Variants in GRIK2 observed in about 807,000 individuals in gnomAD.
GRIK2 encodes the protein glutamate ionotropic receptor kainate type subunit 2, also known as glutamate receptor ionotropic, kainate 2.
In GRIK2, 32 loss-of-function variants were observed where a neutral mutation model predicts 100.3. The observed-to-expected ratio is 0.32, with a 90% CI of 0.24 to 0.43. GRIK2 has a LOEUF of 0.43. Among genes scored for constraint, GRIK2 ranks in the 20% least tolerant of loss-of-function variants. The probability of loss-of-function intolerance (pLI) is 1.00; values close to 1 mark genes in which losing one functional copy is unlikely to be tolerated. For synonymous variants in GRIK2, 417 were observed against 389.4 expected, an observed-to-expected ratio of 1.07 and a Z score of -0.83; for missense variants, 843 against 1,114.9, an observed-to-expected ratio of 0.76 and a Z score of 3.47.
At chr6:101,741,368 A>G (rs1776019249) in intron 7 of GRIK2, among the ~76,000 whole-genome samples, 1 of 152,206 alleles carries the variant, frequency 6.6e-6, no homozygotes, top group Non-Finnish European at 1.5e-5. Context: ...TTAGGAAGAA[A>G]CTTTTCCTCT....
intron 4 of GRIK2, among the ~76,000 whole-genome samples, chr6:101,672,923 TG>T (rs1770550393): frequency 6.6e-6 from 1 of 152,174 alleles, no homozygotes; most frequent in African/African-American, 2.4e-5. Context: ...TATATTCCTT[TG>T]GGTATATCCC....
intron 14 of GRIK2, among the ~76,000 whole-genome samples, chr6:101,965,600 C>T (rs1191958384): frequency 1.3e-5 from 2 of 152,140 alleles, no homozygotes; most frequent in East Asian, 1.9e-4. Context: ...AAAACATATT[C>T]TCCTTGCATG....
intron 2 of GRIK2, among the ~76,000 whole-genome samples, chr6:101,480,508 A>G (rs1772471328): frequency 6.6e-6 from 1 of 152,086 alleles, no homozygotes; most frequent in South Asian, 2.1e-4. Context: ...TCTACTTCCT[A>G]CAAAGCCTCA....
rs943859782 is a variant in GRIK2, at chr6:101,716,511, T to C, written c.951+30158T>C. On this transcript the variant is annotated intron_variant, in intron 7 of 16. Coordinates refer to ENST00000369134, the MANE Select transcript of GRIK2 (RefSeq NM_021956.5). ...TAAACAGGTTAAAAGAATAGTTTCT[T>C]ATGGACTCCACTGACAACCTATGGA... Among the ~76,000 whole-genome samples the C allele has an allele frequency of 9.4e-5, 14 of 148,930 alleles. No individual in the cohort carries two copies. The East Asian group carries it at 2.5e-3, about 26-fold the overall frequency.
At chr6:101,695,649 A>T (rs988367098) in intron 7 of GRIK2, among the ~76,000 whole-genome samples, 1 of 152,098 alleles carries the variant, frequency 6.6e-6, no homozygotes, top group Non-Finnish European at 1.5e-5. Context: ...CACTCAGTAT[A>T]TGCAAATGCT....
intron 14 of GRIK2, among the ~76,000 whole-genome samples, chr6:101,999,470 C>A (rs1222369286): frequency 6.6e-6 from 1 of 152,040 alleles, no homozygotes; most frequent in Non-Finnish European, 1.5e-5. Context: ...TCAAGTATTT[C>A]ATAATTTTGA....
chr6:101,622,218 G>A lies in GRIK2; in HGVS notation c.283+102G>A, dbSNP rs115788542. 8.3e-4 allele frequency: 521 copies of A among 630,800 alleles called. No homozygotes were observed. In the African/African-American group the frequency reaches 8.4e-3, roughly 10 times the overall value. 39.1% of individuals were successfully genotyped at this position (630,800 alleles called of 1,614,324 possible). On this transcript the variant is annotated intron_variant, in intron 3 of 16. Coordinates refer to ENST00000369134, the MANE Select transcript of GRIK2 (RefSeq NM_021956.5). ...TCAACATACAGTTAATAAGTTGTTA[G>A]GAATATTTGCATGCAAAGATTTATT...
In GRIK2 at chr6:101,505,986, G is replaced by A. The variant is rs561398151; in HGVS notation, c.115+106594G>A. ...GCATAGATTAACAAATTGCAAGTAA[G>A]TAATCAAAATATAAATCTTTTTGAG... is the stretch of plus-strand genomic sequence containing the variant. On this transcript the variant is annotated intron_variant, in intron 2 of 16. Transcript: ENST00000369134. Among the ~76,000 whole-genome samples, 125 of 152,146 alleles carry A rather than the reference G, an allele frequency of 8.2e-4. 1 individual carries two copies. The highest frequency in any genetic ancestry group is 1.5e-3 in the Admixed American group (23 of 15,266).
intron 10 of GRIK2, among the ~76,000 whole-genome samples, chr6:101,822,590 A>T (rs1296222036): frequency 1.3e-5 from 2 of 152,150 alleles, no homozygotes; most frequent in African/African-American, 2.4e-5. Context: ...ATGGTCCACT[A>T]CAAAAAATCA....
At chr6:101,775,800 A>C (rs946928048) in intron 7 of GRIK2, among the ~76,000 whole-genome samples, 9 of 151,660 alleles carry the variant, frequency 5.9e-5, no homozygotes, top group Non-Finnish European at 8.8e-5. Context: ...ATATGTGTAT[A>C]TATATGGAAT....
At chr6:101,742,781 A>G (rs1776124493) in intron 7 of GRIK2, among the ~76,000 whole-genome samples, 1 of 152,190 alleles carries the variant, frequency 6.6e-6, no homozygotes, top group Non-Finnish European at 1.5e-5. Context: ...GCAGGTTTCA[A>G]AGAGAATAGG....
intron 12 of GRIK2, among the ~76,000 whole-genome samples, chr6:101,909,270 C>T (rs1404766921): frequency 6.7e-6 from 1 of 149,900 alleles, no homozygotes; most frequent in Admixed American, 6.7e-5. Flanking sequence ...TTATAATGTC[C>T]TATAAATCTC....
At chr6:102,065,745 T>G in intron 16 of GRIK2, 1 of 1,227,356 alleles carries the variant, frequency 8.1e-7, no homozygotes, top group Non-Finnish European at 1.1e-6. Flanking sequence ...CGGGATCAAG[T>G]TTTGACCATG....
At chr6:101,889,379 GT>G (rs560514647) in intron 11 of GRIK2, among the ~76,000 whole-genome samples, 34 of 150,722 alleles carry the variant, frequency 2.3e-4, no homozygotes, top group African/African-American at 7.8e-4. Flanking sequence ...ATTCTATGAA[GT>G]TTTTTTTTCT....
chr6:101,747,758 GA>G (rs1172418555), intron 7 of GRIK2, among the ~76,000 whole-genome samples: 1 of 152,034 alleles, frequency 6.6e-6, no homozygotes, highest in Non-Finnish European at 1.5e-5. Context: ...TACTAAATAA[GA>G]ATTAAATATT....
chr6:101,820,358 C>T (rs1446246883), intron 10 of GRIK2, among the ~76,000 whole-genome samples: 1 of 152,132 alleles, frequency 6.6e-6, no homozygotes, highest in African/African-American at 2.4e-5. Flanking sequence ...CTGGCCCCTA[C>T]ACTCCTTTCT....
At chr6:102,037,016 G>C (rs891666727) in intron 15 of GRIK2, among the ~76,000 whole-genome samples, 2 of 151,164 alleles carry the variant, frequency 1.3e-5, no homozygotes, top group Non-Finnish European at 3.0e-5. Context: ...ACTCTGAAAA[G>C]TCTAGGAAGT....
At chr6:101,861,019 C>A in intron 11 of GRIK2, 1 of 372,290 alleles carries the variant, frequency 2.7e-6, no homozygotes, top group Non-Finnish European at 3.7e-6. Context: ...ATAGTGTGCT[C>A]GTGAGCACTT....
At chr6:101,522,987 G>T (rs2749051) in intron 2 of GRIK2, among the ~76,000 whole-genome samples, 15,185 of 151,564 alleles carry the variant, frequency 0.1, 953 homozygotes, top group Middle Eastern at 0.13. Context: ...CAATCTTCCA[G>T]TTAGAGTGCT....
Sources: allele counts gnomAD v4.1 joint callset (sites outside exome capture counted in the v4.1 genomes callset), GRCh38; gene constraint gnomAD v4.1.1; transcripts MANE v1.5; gene names NCBI Gene and HGNC (gene_info 2026-07-23, HGNC 2026-07-21).